CAMK4: variants seen among roughly 807,000 people sequenced by gnomAD.
The protein encoded by CAMK4 is calcium/calmodulin dependent protein kinase IV.
CAMK4 carries 22 observed loss-of-function variants against 44.9 expected under a neutral mutation model. The observed-to-expected ratio is 0.49, with a 90% CI of 0.35 to 0.70. The LOEUF is 0.70. Ranked by LOEUF, CAMK4 falls within the 30% of genes least tolerant of loss-of-function variation. The pLI is 0.01. For synonymous variants in CAMK4, 218 were observed against 215.4 expected (o/e 1.01, Z -0.11); for missense variants, 498 against 586.8 (o/e 0.85, Z 1.56).
At chr5:111,409,302 C>T (rs1752548713) in intron 5 of CAMK4, among the ~76,000 whole-genome samples, 1 of 152,228 alleles carries the variant, frequency 6.6e-6, no homozygotes, top group African/African-American at 2.4e-5. Flanking sequence ...GGCTCAACAC[C>T]ATGTGGAAGC....
intron 1 of CAMK4, among the ~76,000 whole-genome samples, chr5:111,264,700 T>G (rs1750153144): frequency 6.6e-6 from 1 of 152,110 alleles, no homozygotes; most frequent in African/African-American, 2.4e-5. Context: ...TTGAAATGGC[T>G]GCAGAGATTG....
chr5:111,461,554 T>C (rs981717844), intron 7 of CAMK4, among the ~76,000 whole-genome samples: 4 of 152,302 alleles, frequency 2.6e-5, no homozygotes, highest in African/African-American at 9.6e-5. Context: ...TGGGCACTGC[T>C]GCCGCCCATA....
At chr5:111,449,611 G>T (rs145225001) in intron 7 of CAMK4, 1 of 153,276 alleles carries the variant, frequency 6.5e-6, no homozygotes, top group Non-Finnish European at 1.5e-5. Context: ...TGAGAATGGG[G>T]TGGTCCCTAG....
intron 5 of CAMK4, among the ~76,000 whole-genome samples, chr5:111,410,425 CA>C (rs1752591698): frequency 6.6e-6 from 1 of 152,078 alleles, no homozygotes; most frequent in South Asian, 2.1e-4. Flanking sequence ...ACCCCTGACA[CA>C]AGGGGATTAT....
chr5:111,443,279 TACACACACAC>T (rs60644060), intron 5 of CAMK4, among the ~76,000 whole-genome samples: 138 of 37,456 alleles, frequency 3.7e-3, no homozygotes, highest in Middle Eastern at 0.017. Flanking sequence ...TATATATATA[TACACACACAC>T]ACACACACAC....
rs142937554 is a variant in CAMK4 at position 111,239,599 on chromosome 5, G to A, written c.161+14955G>A. On this transcript the variant is annotated intron_variant, in intron 1 of 10. Transcript: ENST00000282356. ...AAGACCTGCAATAGAGTCCCAGTTC[G>A]GCCACTCATGAAGTGTGTCATTTTA... 4.1e-3 allele frequency among the ~76,000 whole-genome samples: 630 copies of A among 152,202 alleles called. 4 individuals carry two copies. The highest frequency in any genetic ancestry group is 8.8e-3 in the African/African-American group (364 of 41,514).
intron 2 of CAMK4, among the ~76,000 whole-genome samples, chr5:111,347,403 C>T (rs1037486089): frequency 6.6e-6 from 1 of 152,026 alleles, no homozygotes; most frequent in Non-Finnish European, 1.5e-5. Context: ...GTGACTCTAA[C>T]TTACTTGAAT....
intron 5 of CAMK4, among the ~76,000 whole-genome samples, chr5:111,425,521 G>A (rs571744667): frequency 3.7e-4 from 56 of 152,168 alleles, no homozygotes; most frequent in Non-Finnish European, 6.6e-4. Flanking sequence ...GCCACAAATA[G>A]AAAGACTAAG....
intron 9 of CAMK4, among the ~76,000 whole-genome samples, chr5:111,480,445 CTT>C (rs777447941): frequency 9.2e-5 from 14 of 152,068 alleles, no homozygotes. Context: ...ACAGTCATCA[CTT>C]ATATATTTAA....
chr5:111,250,943 A>G (rs1168762145), intron 1 of CAMK4, among the ~76,000 whole-genome samples: 2 of 152,184 alleles, frequency 1.3e-5, no homozygotes, highest in Admixed American at 1.3e-4. Context: ...GGGACGAGCC[A>G]CTGCACCCAG....
intron 7 of CAMK4, among the ~76,000 whole-genome samples, chr5:111,465,476 GAAGA>G (rs1754793854): frequency 6.6e-6 from 1 of 152,032 alleles, no homozygotes; most frequent in Admixed American, 6.6e-5. Context: ...ACCAAGAAAA[GAAGA>G]GAGAAGATCC....
At chr5:111,438,682 A>G (rs551114659) in intron 5 of CAMK4, among the ~76,000 whole-genome samples, 3 of 152,340 alleles carry the variant, frequency 2.0e-5, no homozygotes, top group Admixed American at 6.5e-5. Flanking sequence ...TAGGAGAACA[A>G]ACACTGTAAA....
chr5:111,351,515 C>T (rs1275323572), intron 2 of CAMK4, among the ~76,000 whole-genome samples: 1 of 151,576 alleles, frequency 6.6e-6, no homozygotes, highest in Non-Finnish European at 1.5e-5. Flanking sequence ...AAGCGATTCT[C>T]CTGCCTCAGC....
intron 5 of CAMK4, among the ~76,000 whole-genome samples, chr5:111,431,327 G>C (rs996035062): frequency 6.6e-6 from 1 of 152,058 alleles, no homozygotes; most frequent in Admixed American, 6.5e-5. Context: ...AATGAAACTA[G>C]ACCCCTATGT....
At chr5:111,376,785 G>A (rs1751228537) in intron 3 of CAMK4, 75 bp from the exon 4 acceptor site, 2 of 833,066 alleles carry the variant, frequency 2.4e-6, no homozygotes, top group Non-Finnish European at 4.0e-6. Context: ...TGTTGTTTTA[G>A]CCATAGTATT....
chr5:111,341,672 A>C (rs890091032), intron 1 of CAMK4, among the ~76,000 whole-genome samples: 4 of 151,352 alleles, frequency 2.6e-5, no homozygotes, highest in African/African-American at 9.7e-5. Context: ...AAATGCTTAC[A>C]TAGACCTTAC....
intron 1 of CAMK4, among the ~76,000 whole-genome samples, chr5:111,268,287 T>G (rs577615755): frequency 6.6e-5 from 10 of 152,218 alleles, no homozygotes; most frequent in African/African-American, 2.4e-4. Flanking sequence ...ATGATCATAA[T>G]TCTTATTCAA....
chr5:111,377,164 A>G (rs1408164062), intron 4 of CAMK4, among the ~76,000 whole-genome samples: 1 of 152,164 alleles, frequency 6.6e-6, no homozygotes, highest in Non-Finnish European at 1.5e-5. Flanking sequence ...GAGGAACACT[A>G]TAATATCTAT....
chr5:111,429,777 C>CAAAAAAAAAAAAAAAA (rs70973607), intron 5 of CAMK4, among the ~76,000 whole-genome samples: 1 of 26,342 alleles, frequency 3.8e-5, no homozygotes, highest in Non-Finnish European at 6.2e-5. Context: ...GACCTCATCT[C>CAAAAAAAAAAAAAAAA]AAAAAAAAAA....
Sources: allele counts gnomAD v4.1 joint callset (sites outside exome capture counted in the v4.1 genomes callset), GRCh38; gene constraint gnomAD v4.1.1; transcripts MANE v1.5; gene names NCBI Gene and HGNC (gene_info 2026-07-23, HGNC 2026-07-21).